The following PPP2R2B variants were observed in gnomAD, a reference collection of about 807,000 sequenced individuals.
PPP2R2B encodes the protein serine/threonine-protein phosphatase 2A 55 kDa regulatory subunit B beta isoform.
In PPP2R2B, 5 loss-of-function variants were observed where a neutral mutation model predicts 46.0. The observed-to-expected ratio is 0.11, with a 90% CI of 0.06 to 0.23. The LOEUF (loss-of-function observed/expected upper bound fraction) is 0.23, where lower values mean the gene tolerates loss of function less well. Among genes scored for constraint, PPP2R2B ranks in the 10% least tolerant of loss-of-function variants. The pLI, the probability that PPP2R2B is intolerant of heterozygous loss-of-function variation, is 1.00. For missense variants in PPP2R2B, 367 were observed against 575.0 expected, an observed-to-expected ratio of 0.64 and a Z score of 3.70; for synonymous variants, 215 against 206.7, an observed-to-expected ratio of 1.04 and a Z score of -0.34.
intron 7 of PPP2R2B, among the ~76,000 whole-genome samples, chr5:146,620,414 T>G (rs1304564760): frequency 6.6e-6 from 1 of 152,198 alleles, no homozygotes; most frequent in Non-Finnish European, 1.5e-5. Context: ...TCTGAGCACA[T>G]TCTCTCCAGC....
At chr5:146,921,130 C>T (rs896252267) in intron 1 of PPP2R2B, among the ~76,000 whole-genome samples, 3 of 152,184 alleles carry the variant, frequency 2.0e-5, no homozygotes, top group African/African-American at 7.2e-5. Context: ...AAAACTAATA[C>T]TAGTGACTCA....
chr5:146,954,107 T>C (rs887015688), intron 1 of PPP2R2B, among the ~76,000 whole-genome samples: 2 of 148,662 alleles, frequency 1.3e-5, no homozygotes, highest in Non-Finnish European at 3.0e-5. Flanking sequence ...GAGGATCACA[T>C]AGTTTGGTTT....
intron 1 of PPP2R2B, among the ~76,000 whole-genome samples, chr5:146,926,710 G>C (rs980706833): frequency 6.6e-6 from 1 of 152,064 alleles, no homozygotes; most frequent in African/African-American, 2.4e-5. Flanking sequence ...CAAAGTTCAG[G>C]CTCTTTTCAA....
At chr5:147,036,483 C>A (rs1756041613) in intron 1 of PPP2R2B, among the ~76,000 whole-genome samples, 1 of 152,136 alleles carries the variant, frequency 6.6e-6, no homozygotes, top group South Asian at 2.1e-4. Context: ...CATATACATG[C>A]ATATATCTTT....
chr5:146,635,795 T>G (rs1170039976), intron 7 of PPP2R2B, among the ~76,000 whole-genome samples: 2 of 152,350 alleles, frequency 1.3e-5, no homozygotes, highest in East Asian at 1.9e-4. Context: ...AGGCACACAT[T>G]TATTAAATAT....
chr5:146,670,791 G>A (rs915040221), intron 5 of PPP2R2B, among the ~76,000 whole-genome samples: 1 of 151,848 alleles, frequency 6.6e-6, no homozygotes, highest in African/African-American at 2.4e-5. Flanking sequence ...CACTGCACCC[G>A]GCCCACTTAG....
At chr5:146,953,683 T>C (rs1323829741) in intron 1 of PPP2R2B, among the ~76,000 whole-genome samples, 1 of 152,202 alleles carries the variant, frequency 6.6e-6, no homozygotes, top group Non-Finnish European at 1.5e-5. Flanking sequence ...TAGCCTGTGT[T>C]AAACATTGCA....
intron 2 of PPP2R2B, among the ~76,000 whole-genome samples, chr5:146,740,694 T>A (rs1405665492): frequency 6.6e-6 from 1 of 152,004 alleles, no homozygotes; most frequent in Non-Finnish European, 1.5e-5. Context: ...AACCTGATGA[T>A]TTTTACTCAC....
At chr5:146,991,116 C>T (rs763560153) in intron 1 of PPP2R2B, among the ~76,000 whole-genome samples, 1 of 152,010 alleles carries the variant, frequency 6.6e-6, no homozygotes, top group Non-Finnish European at 1.5e-5. Flanking sequence ...CTTGTACACT[C>T]TTCGTAGGAA....
intron 2 of PPP2R2B, among the ~76,000 whole-genome samples, chr5:146,868,264 C>A (rs992575411): frequency 5.3e-5 from 8 of 152,250 alleles, no homozygotes; most frequent in African/African-American, 1.9e-4. Context: ...TCTGCAGCAG[C>A]TTTTGGCAAA....
intron 1 of PPP2R2B, among the ~76,000 whole-genome samples, chr5:146,956,657 G>A (rs1041222934): frequency 3.9e-5 from 6 of 152,140 alleles, no homozygotes; most frequent in African/African-American, 1.4e-4. Flanking sequence ...GCATATGTAT[G>A]TATATATCTG....
chr5:146,618,336 G>A (rs1366253395), intron 7 of PPP2R2B, among the ~76,000 whole-genome samples: 3 of 152,204 alleles, frequency 2.0e-5, no homozygotes, highest in African/African-American at 7.2e-5. Context: ...AAGGCAGGTA[G>A]CCATTCTCCC....
At chr5:146,675,193 C>G (rs1777630652) in intron 5 of PPP2R2B, among the ~76,000 whole-genome samples, 1 of 152,054 alleles carries the variant, frequency 6.6e-6, no homozygotes, top group South Asian at 2.1e-4. Context: ...ATCTCCTGAC[C>G]TCGTGATCCA....
chr5:146,807,520 T>C (rs990787570), intron 2 of PPP2R2B, among the ~76,000 whole-genome samples: 2 of 152,144 alleles, frequency 1.3e-5, no homozygotes, highest in African/African-American at 4.8e-5. Context: ...AGATAATAAC[T>C]TATGCCAGGC....
At chr5:146,680,721 C>G (rs983004174) in intron 5 of PPP2R2B, among the ~76,000 whole-genome samples, 1 of 152,124 alleles carries the variant, frequency 6.6e-6, no homozygotes, top group Non-Finnish European at 1.5e-5. Flanking sequence ...CTGCTTTTAA[C>G]AGTTTTCTGG....
At chr5:146,916,249 C>T (rs993585707) in intron 1 of PPP2R2B, among the ~76,000 whole-genome samples, 1 of 149,648 alleles carries the variant, frequency 6.7e-6, no homozygotes, top group African/African-American at 2.5e-5. Flanking sequence ...CTTTTCATCC[C>T]AGAAGAGTGA....
intron 2 of PPP2R2B, among the ~76,000 whole-genome samples, chr5:146,746,864 C>T (rs1304868595): frequency 6.6e-6 from 1 of 152,152 alleles, no homozygotes; most frequent in Non-Finnish European, 1.5e-5. Flanking sequence ...TTTAAACTCC[C>T]ATTATGCAGA....
chr5:146,829,813 A>G (rs927196100), intron 2 of PPP2R2B, among the ~76,000 whole-genome samples: 1 of 152,192 alleles, frequency 6.6e-6, no homozygotes, highest in Non-Finnish European at 1.5e-5. Context: ...TTTTTTAAGT[A>G]AAAAACAGGC....
At chr5:146,983,909 C>T (rs1364476990) in intron 1 of PPP2R2B, among the ~76,000 whole-genome samples, 1 of 151,768 alleles carries the variant, frequency 6.6e-6, no homozygotes, top group Non-Finnish European at 1.5e-5. Context: ...TTTCCAACAT[C>T]TGAAAATGTC....
Sources: allele counts gnomAD v4.1 joint callset (sites outside exome capture counted in the v4.1 genomes callset), GRCh38; gene constraint gnomAD v4.1.1; transcripts MANE v1.5; gene names NCBI Gene and HGNC (gene_info 2026-07-23, HGNC 2026-07-21).